GRIA1: variants seen among roughly 807,000 people sequenced by gnomAD.
GRIA1 encodes the protein glutamate receptor 1.
GRIA1 carries 31 observed loss-of-function variants against 99.2 expected under a neutral mutation model. The observed-to-expected ratio is 0.31, with a 90% CI of 0.23 to 0.42. The LOEUF is 0.42. Among genes scored for constraint, GRIA1 ranks in the 10% least tolerant of loss-of-function variants. The probability of loss-of-function intolerance (pLI) is 1.00; values close to 1 mark genes in which losing one functional copy is unlikely to be tolerated. For synonymous variants in GRIA1, 438 were observed against 432.4 expected (o/e 1.01, Z -0.16); for missense variants, 782 against 1,157.5 (o/e 0.68, Z 4.71).
chr5:153,803,787 T>G (rs1280251272), intron 15 of GRIA1, among the ~76,000 whole-genome samples: 2 of 152,210 alleles, frequency 1.3e-5, no homozygotes, highest in Admixed American at 6.5e-5. Flanking sequence ...AAGCTCAGTA[T>G]GCCCACTCTT....
chr5:153,622,498 A>T (rs1016620627), intron 2 of GRIA1, among the ~76,000 whole-genome samples: 1 of 152,206 alleles, frequency 6.6e-6, no homozygotes, highest in African/African-American at 2.4e-5. Flanking sequence ...AATGTATCTC[A>T]AGGAATGCAG....
At chr5:153,784,277 G>A (rs750485948) in intron 13 of GRIA1, among the ~76,000 whole-genome samples, 1 of 152,108 alleles carries the variant, frequency 6.6e-6, no homozygotes, top group Non-Finnish European at 1.5e-5. Context: ...GGTTACCCTA[G>A]CTGTAGTTAC....
At chr5:153,742,072 T>A (rs1309024211) in intron 11 of GRIA1, among the ~76,000 whole-genome samples, 1 of 152,002 alleles carries the variant, frequency 6.6e-6, no homozygotes, top group Non-Finnish European at 1.5e-5. Flanking sequence ...TTATACAACC[T>A]AAAGTTTAAG....
At chr5:153,641,512 G>A (rs1753776909) in intron 2 of GRIA1, among the ~76,000 whole-genome samples, 1 of 152,152 alleles carries the variant, frequency 6.6e-6, no homozygotes, top group Admixed American at 6.5e-5. Context: ...GCTTCCCCAA[G>A]AGGGAATTCC....
At chr5:153,609,560 T>C (rs2350537) in intron 2 of GRIA1, among the ~76,000 whole-genome samples, 1,274 of 86,884 alleles carry the variant, frequency 0.015, 47 homozygotes, top group Middle Eastern at 0.023. Context: ...CTTTTCTTTT[T>C]TTTTTTTTTT....
intron 2 of GRIA1, among the ~76,000 whole-genome samples, chr5:153,643,203 C>A (rs1753898607): frequency 6.6e-6 from 1 of 152,108 alleles, no homozygotes; most frequent in African/African-American, 2.4e-5. Context: ...TAAACATTTT[C>A]CAATCAATTA....
intron 11 of GRIA1, 66 bp downstream of exon 11, chr5:153,706,133 T>TTTGTTTGTTTG (rs36003151): frequency 6.8e-7 from 1 of 1,476,166 alleles, no homozygotes; most frequent in Non-Finnish European, 9.4e-7. Flanking sequence ...TGTTTGTTTG[T>TTTGTTTGTTTG]TTTTTAAATA....
intron 15 of GRIA1, among the ~76,000 whole-genome samples, chr5:153,808,895 T>C (rs916224769): frequency 2.0e-5 from 3 of 152,250 alleles, no homozygotes; most frequent in African/African-American, 7.2e-5. Flanking sequence ...TCGAGATTTT[T>C]AGTTACATGC....
chr5:153,642,654 A>C (rs1753856835), intron 2 of GRIA1, among the ~76,000 whole-genome samples: 1 of 151,872 alleles, frequency 6.6e-6, no homozygotes, highest in South Asian at 2.1e-4. Context: ...AAAAAAAACA[A>C]AGAAGAAGAA....
At chr5:153,657,760 A>G (rs1407224269) in intron 5 of GRIA1, among the ~76,000 whole-genome samples, 1 of 152,150 alleles carries the variant, frequency 6.6e-6, no homozygotes, top group Non-Finnish European at 1.5e-5. Flanking sequence ...TTTCGGAGTG[A>G]GGACTTGAAA....
chr5:153,581,177 T>C (rs1763014347), intron 2 of GRIA1, among the ~76,000 whole-genome samples: 1 of 152,224 alleles, frequency 6.6e-6, no homozygotes, highest in African/African-American at 2.4e-5. Context: ...TTTAGTTACA[T>C]TGACAGCAAT....
At chr5:153,535,822 C>A (rs140907179) in intron 2 of GRIA1, among the ~76,000 whole-genome samples, 1 of 152,308 alleles carries the variant, frequency 6.6e-6, no homozygotes, top group Non-Finnish European at 1.5e-5. Flanking sequence ...ACTTTTGATT[C>A]TTTTTCCCTT....
At chr5:153,525,417 ATTTT>A (rs761123707) in intron 2 of GRIA1, 1 of 152,068 alleles carries the variant, frequency 6.6e-6, no homozygotes, top group Admixed American at 6.6e-5. Flanking sequence ...ACCTCATTCT[ATTTT>A]TTGTACTCAT....
chr5:153,713,449 A>G (rs1759465228), intron 11 of GRIA1, among the ~76,000 whole-genome samples: 1 of 152,248 alleles, frequency 6.6e-6, no homozygotes, highest in Non-Finnish European at 1.5e-5. Context: ...ACTCCAGATC[A>G]GTGGCTCCTA....
chr5:153,521,527 A>C (rs1757142457), intron 2 of GRIA1, among the ~76,000 whole-genome samples: 2 of 152,218 alleles, frequency 1.3e-5, no homozygotes, highest in Admixed American at 1.3e-4. Context: ...CCGGGCAAAA[A>C]GAAGCAGCTC....
At chr5:153,572,300 G>C (rs1581248610) in intron 2 of GRIA1, among the ~76,000 whole-genome samples, 1 of 152,150 alleles carries the variant, frequency 6.6e-6, no homozygotes, top group African/African-American at 2.4e-5. Flanking sequence ...ATCTGATGGT[G>C]ATATTAGGAC....
At chr5:153,530,961 A>G (rs988320177) in intron 2 of GRIA1, among the ~76,000 whole-genome samples, 2 of 152,228 alleles carry the variant, frequency 1.3e-5, no homozygotes, top group Non-Finnish European at 2.9e-5. Context: ...TCTGCAGATA[A>G]CTAATAGCAG....
chr5:153,703,148 G>C (rs1288687723), intron 10 of GRIA1, among the ~76,000 whole-genome samples: 1 of 152,130 alleles, frequency 6.6e-6, no homozygotes, highest in African/African-American at 2.4e-5. Flanking sequence ...CTAGATATGA[G>C]TTTCTTATCT....
At chr5:153,723,675 G>A (rs916728649) in intron 11 of GRIA1, among the ~76,000 whole-genome samples, 66 of 152,276 alleles carry the variant, frequency 4.3e-4, no homozygotes, top group African/African-American at 1.4e-3. Context: ...CTGCAAGGCG[G>A]CAGCAAGGCT....
Sources: allele counts gnomAD v4.1 joint callset (sites outside exome capture counted in the v4.1 genomes callset), GRCh38; gene constraint gnomAD v4.1.1; transcripts MANE v1.5; gene names NCBI Gene and HGNC (gene_info 2026-07-23, HGNC 2026-07-21).